The following DDX19B variants were observed in gnomAD, a reference collection of about 807,000 sequenced individuals.
DDX19B encodes ATP-dependent RNA helicase DDX19B.
Under a neutral mutation model 58.1 loss-of-function variants are expected in DDX19B, and 27 were observed. The ratio of observed to expected loss-of-function variants is 0.46; its 90% CI spans 0.34 to 0.64. DDX19B has a LOEUF of 0.64. Among genes scored for constraint, DDX19B ranks in the 30% least tolerant of loss-of-function variants. DDX19B has a pLI of 0.01. For synonymous variants in DDX19B, 187 were observed against 214.4 expected (o/e 0.87, Z 1.12); for missense variants, 399 against 596.5 (o/e 0.67, Z 3.45).
chr16:70,331,612 G>A lies in DDX19B; in HGVS notation c.1024-110G>A, dbSNP rs547158025. ...AATTTTAAGCCTAACCTCCTAACTGGATTTAGCAGGGCCTTCATGTATTTT... is the reference window on the plus strand; with the variant it reads ...AATTTTAAGCCTAACCTCCTAACTGAATTTAGCAGGGCCTTCATGTATTTT... On this transcript the variant is annotated intron_variant, in intron 9 of 11. Transcript: ENST00000288071. 2.4e-4 allele frequency: 343 copies of A among 1,405,382 alleles called. 2 individuals carry two copies. The South Asian group carries it at 4.8e-3, about 20-fold the overall frequency. 87.1% of individuals were successfully genotyped at this position (1,405,382 alleles called of 1,614,324 possible).
chr16:70,290,023 G>A, upstream of DDX19B: 1 of 295,192 alleles, frequency 3.4e-6, no homozygotes, highest in East Asian at 8.9e-5. Context: ...GATTGGATCA[G>A]CATCTGGTCC....
At chr16:70,293,681 G>T (rs1213101403), upstream of DDX19B, among the ~76,000 whole-genome samples, 1 of 133,918 alleles carries the variant, frequency 7.5e-6, no homozygotes, top group Non-Finnish European at 1.5e-5. Flanking sequence ...GCGCAATCTC[G>T]GCTCACTGCA....
At chr16:70,303,053 T>C (rs1961560269) in intron 1 of DDX19B, among the ~76,000 whole-genome samples, 1 of 152,232 alleles carries the variant, frequency 6.6e-6, no homozygotes, top group Admixed American at 6.5e-5. Context: ...TTTCAAACCT[T>C]TTGCCCATTT....
At chr16:70,291,373 TTAAAA>T (rs1430959794), upstream of DDX19B, among the ~76,000 whole-genome samples, 4 of 152,250 alleles carry the variant, frequency 2.6e-5, no homozygotes, top group South Asian at 4.1e-4. Flanking sequence ...GCCACCACAC[TTAAAA>T]TAGAAAGCCA....
At chr16:70,294,794 G>T (rs1961159339), upstream of DDX19B, 2 of 1,395,198 alleles carry the variant, frequency 1.4e-6, no homozygotes, top group Admixed American at 2.8e-5. Flanking sequence ...CTCCGGCTTG[G>T]CCAGTGCCAA....
intron 5 of DDX19B, among the ~76,000 whole-genome samples, chr16:70,320,340 T>A (rs1293889370): frequency 2.0e-5 from 3 of 150,738 alleles, no homozygotes. Flanking sequence ...TCTCGTGGCC[T>A]CAAGCAATCC....
intron 1 of DDX19B, among the ~76,000 whole-genome samples, chr16:70,308,406 T>TC (rs1449345525): frequency 1.3e-5 from 2 of 151,378 alleles, no homozygotes; most frequent in Non-Finnish European, 2.9e-5. Flanking sequence ...TAATTTTTTT[T>TC]ATATTTTTTT....
At chr16:70,300,179 C>T (rs1441164507) in intron 1 of DDX19B, among the ~76,000 whole-genome samples, 1 of 151,256 alleles carries the variant, frequency 6.6e-6, no homozygotes, top group Non-Finnish European at 1.5e-5. Context: ...CAACGGTTCC[C>T]GCCAATTTTT....
At chr16:70,326,927 G>C (rs1308416222) in intron 7 of DDX19B, among the ~76,000 whole-genome samples, 2 of 151,642 alleles carry the variant, frequency 1.3e-5, no homozygotes, top group Non-Finnish European at 2.9e-5. Context: ...CTCTGCCTCT[G>C]GGGTTCACAC....
At chr16:70,315,500 A>G (rs560306963) in intron 3 of DDX19B, 2 of 155,178 alleles carry the variant, frequency 1.3e-5, no homozygotes, top group South Asian at 4.0e-4. Context: ...ATAGGGCATT[A>G]TAAAAAATTT....
At position 70,329,977 on chromosome 16, in the gene DDX19B, A is replaced by G. The variant is rs1217511604; in HGVS notation, c.932A>G (p.Tyr311Cys). The G allele has an allele frequency of 3.7e-6, 6 of 1,614,084 alleles. No individual in the cohort carries two copies. Among genetic ancestry groups the G allele is most frequent in the Non-Finnish European group, 4.2e-6 (5 of 1,180,054 alleles). Residue 311 changes from tyrosine (Y) to cysteine (C), a missense_variant, in exon 9 of 12, where the codon TAT (tyrosine) becomes TGT (cysteine). This residue lies in a region of DDX19B where 198 missense variants were observed against 345.9 expected (regional missense o/e 0.57). Transcript: ENST00000288071. ...EETLDTIKQY[Y>C]VLCSSRDEKF... ...ACCCTGGACACCATCAAGCAGTACT[A>G]TGTCCTGTGCAGCAGCAGAGACGAG...
rs754968979 is a variant in DDX19B, at chr16:70,333,169, G to A, written c.1378+10G>A. 44 of 1,374,456 alleles carry A rather than the reference G, an allele frequency of 3.2e-5. No homozygotes were observed. Among genetic ancestry groups the A allele is most frequent in the Non-Finnish European group, 4.2e-5 (42 of 1,010,018 alleles). 85.1% of individuals were successfully genotyped at this position (1,374,456 alleles called of 1,614,324 possible). On this transcript the variant is annotated intron_variant, in intron 11 of 11. Transcript: ENST00000288071. ...ATCCAGGAGCATTTTAGTGAGTCCC[G>A]GGGAGGGTCCTGTGCCTGGCGCCCT...
intron 2 of DDX19B, 98 bp from the exon 3 acceptor site, chr16:70,314,804 G>A: frequency 7.6e-7 from 1 of 1,320,960 alleles, no homozygotes; most frequent in Non-Finnish European, 1.1e-6. Context: ...TTGCTCCCCA[G>A]GCCTTTACAA....
intron 1 of DDX19B, among the ~76,000 whole-genome samples, chr16:70,306,900 G>T (rs998927730): frequency 6.6e-6 from 1 of 152,108 alleles, no homozygotes; most frequent in Admixed American, 6.6e-5. Flanking sequence ...CCCAGCTCTA[G>T]GCAATCACTA....
chr16:70,318,268 G>A (rs1378776390), intron 5 of DDX19B, among the ~76,000 whole-genome samples: 1 of 151,788 alleles, frequency 6.6e-6, no homozygotes, highest in Non-Finnish European at 1.5e-5. Context: ...CAGCTACTCG[G>A]GAAGCTGAGG....
intron 7 of DDX19B, among the ~76,000 whole-genome samples, chr16:70,326,445 C>T (rs764183452): frequency 1.4e-4 from 22 of 152,328 alleles, no homozygotes; most frequent in East Asian, 1.9e-4. Context: ...CCACTGCACT[C>T]GAGCCTGGGC....
rs74024202 is a variant in DDX19B at position 70,333,140 on chromosome 16, C to G, written c.1359C>G (p.Asn453Lys). 8 of 1,499,044 alleles carry G rather than the reference C, an allele frequency of 5.3e-6. No homozygotes were observed. Among genetic ancestry groups the G allele is most frequent in the Non-Finnish European group, 7.2e-6 (8 of 1,112,188 alleles). 92.9% of individuals were successfully genotyped at this position (1,499,044 alleles called of 1,614,324 possible). The change falls in exon 11 of 12, where the codon AAC (asparagine) becomes AAG (lysine). Residue 453 changes from asparagine to lysine, a missense_variant. This residue lies in a region of DDX19B where 198 missense variants were observed against 345.9 expected (regional missense o/e 0.57). Coordinates refer to ENST00000288071, the MANE Select transcript of DDX19B (RefSeq NM_007242.7). ...GCAAGCACAGCATGAACATCCTGAA[C>G]AGAATCCAGGAGCATTTTAGTGAGT... ...VDSKHSMNILNRIQEHFNKKI... is the reference protein window; with the variant it reads ...VDSKHSMNILKRIQEHFNKKI...
upstream of DDX19B, among the ~76,000 whole-genome samples, chr16:70,290,341 T>A (rs577722927): frequency 3.9e-5 from 6 of 151,970 alleles, no homozygotes; most frequent in East Asian, 1.2e-3. Flanking sequence ...ACCGAGAGCA[T>A]CCTGGCCAAC....
Position 70,330,082 on chromosome 16 carries a change from G to A in DDX19B, c.1023+14G>A, listed in dbSNP as rs1037614520. The A allele has an allele frequency of 5.6e-6, 9 of 1,613,742 alleles. No individual in the cohort carries two copies. The highest frequency in any genetic ancestry group is 7.6e-6 in the Non-Finnish European group (9 of 1,179,814). On this transcript the variant is annotated intron_variant, in intron 9 of 11. Transcript: ENST00000288071. ...ATCTTCTGCCATGTGAGTAGCAGTG[G>A]CAGTGGCAGGCCTGGCCCTTCCCTC...
Sources: allele counts gnomAD v4.1 joint callset (sites outside exome capture counted in the v4.1 genomes callset), GRCh38; gene constraint gnomAD v4.1.1; regional missense constraint gnomAD v4.1.1; transcripts MANE v1.5; gene names NCBI Gene and HGNC (gene_info 2026-07-23, HGNC 2026-07-21).